Variants in SLC22A23 observed in about 807,000 individuals in gnomAD.
The protein encoded by SLC22A23 is solute carrier family 22 member 23, also known as ion transporter protein.
Under a neutral mutation model 61.0 loss-of-function variants are expected in SLC22A23, and 26 were observed. The ratio of observed to expected loss-of-function variants is 0.43; its 90% CI spans 0.31 to 0.59. The LOEUF is 0.59. Among genes scored for constraint, SLC22A23 ranks in the 20% least tolerant of loss-of-function variants. SLC22A23 has a pLI of 0.11. For synonymous variants in SLC22A23, 430 were observed against 413.9 expected (o/e 1.04, Z -0.47); for missense variants, 796 against 934.7 (o/e 0.85, Z 1.94).
chr6:3,448,300 T>C (rs1276147407), intron 1 of SLC22A23, among the ~76,000 whole-genome samples: 1 of 152,140 alleles, frequency 6.6e-6, no homozygotes, highest in African/African-American at 2.4e-5. Context: ...TCTCCACTGT[T>C]TGCCAATTCC....
intron 1 of SLC22A23, among the ~76,000 whole-genome samples, chr6:3,429,692 T>C (rs982729543): frequency 2.0e-5 from 3 of 152,188 alleles, no homozygotes; most frequent in Admixed American, 6.5e-5. Context: ...CAAAACGTGG[T>C]GCATGCACAT....
At chr6:3,299,731 T>C (rs1032125344) in intron 4 of SLC22A23, among the ~76,000 whole-genome samples, 5 of 152,218 alleles carry the variant, frequency 3.3e-5, no homozygotes, top group African/African-American at 1.2e-4. Flanking sequence ...ATCTTGGCCT[T>C]GTGGCCTGAG....
At position 3,273,376 on chromosome 6, in the gene SLC22A23, G is replaced by A. The variant is rs1424455270; in HGVS notation, c.1740C>T (p.Gly580=). ...TGATGGGTGCCGTCAGCATGCCGAA[G>A]CCCGCGCTGGCCAGCACCAGCCCCA... is the stretch of plus-strand genomic sequence containing the variant. ...GGLGLVLASA[G]FGMLTAPIIE... Residue 580 remains glycine, a synonymous_variant, in exon 10 of 10, where the codon GGC becomes GGT. Coordinates refer to ENST00000406686, the MANE Select transcript of SLC22A23 (RefSeq NM_015482.2). The A allele has an allele frequency of 1.2e-6, 2 of 1,612,692 alleles. No homozygotes were observed. The highest frequency in any genetic ancestry group is 1.7e-5 in the Admixed American group (1 of 60,022).
rs1324535000 is a variant in SLC22A23, at chr6:3,342,715, C to G, written c.914-18713G>C. Among the ~76,000 whole-genome samples the G allele has an allele frequency of 1.3e-5, 2 of 152,210 alleles. No homozygotes were observed. Among genetic ancestry groups the G allele is most frequent in the Non-Finnish European group, 2.9e-5 (2 of 68,048 alleles). On this transcript the variant is annotated intron_variant, in intron 3 of 9. Transcript: ENST00000406686. This position sits in a 1 kb window ranked among gnomAD's most constrained non-coding sequence, Gnocchi z 4.0. ...CCTGAAACTGCCATCGTACAAATAA[C>G]ACCTTCACATTAGTGCTGGGGATGA...
At chr6:3,298,701 G>A (rs530100534) in intron 4 of SLC22A23, among the ~76,000 whole-genome samples, 105 of 149,906 alleles carry the variant, frequency 7.0e-4, no homozygotes, top group Admixed American at 1.9e-3. Flanking sequence ...GGCCGGGCGC[G>A]GTGGCTCACG....
intron 5 of SLC22A23, 83 bp from the exon 6 acceptor site, chr6:3,289,949 C>T: frequency 2.7e-6 from 3 of 1,108,316 alleles, no homozygotes; most frequent in Non-Finnish European, 4.1e-6. Flanking sequence ...CCCTGGTTCC[C>T]CAGTTCGGGT....
At chr6:3,400,684 A>G (rs1768324651) in intron 3 of SLC22A23, among the ~76,000 whole-genome samples, 1 of 152,194 alleles carries the variant, frequency 6.6e-6, no homozygotes, top group African/African-American at 2.4e-5. Flanking sequence ...CCTGGATTCC[A>G]CCCAAGCATC....
intron 3 of SLC22A23, among the ~76,000 whole-genome samples, chr6:3,409,730 G>A (rs9503583): frequency 0.068 from 10,362 of 152,172 alleles, 1,191 homozygotes; most frequent in African/African-American, 0.24. Context: ...ACTAGCTAAT[G>A]CTGTCATTTA....
chr6:3,354,499 A>G (rs1764956912), intron 3 of SLC22A23, among the ~76,000 whole-genome samples: 1 of 152,258 alleles, frequency 6.6e-6, no homozygotes, highest in Non-Finnish European at 1.5e-5. Context: ...ATCCATCGAT[A>G]TAGCAGAGAC....
At position 3,410,250 on chromosome 6, in the gene SLC22A23, C is replaced by G. The variant is rs1769124769; in HGVS notation, c.851G>C (p.Ser284Thr). 2.5e-6 allele frequency: 4 copies of G among 1,613,868 alleles called. No individual in the cohort carries two copies. Among genetic ancestry groups the G allele is most frequent in the South Asian group, 1.1e-5 (1 of 91,040 alleles). ...AAATCCTTCAAAGAACCTGAGTGTG[C>G]TGAACATTGTCACATTCACTGACAG... ...VALSVNVTMF[S>T]TLRFFEGFCL... The change falls in exon 3 of 10, where the codon AGC (serine) becomes ACC (threonine). Residue 284 changes from serine (S) to threonine (T), a missense_variant. Physicochemically the swap from Ser to Thr is moderately conservative, Grantham distance 58. Coordinates refer to ENST00000406686, the MANE Select transcript of SLC22A23 (RefSeq NM_015482.2). The surrounding 1 kb of genome is among the most constrained non-coding windows in gnomAD (Gnocchi z 5.0).
chr6:3,329,721 G>A lies in SLC22A23; in HGVS notation c.914-5719C>T, dbSNP rs903539767. Among the ~76,000 whole-genome samples, 2 of 152,118 alleles carry A rather than the reference G, an allele frequency of 1.3e-5. No individual in the cohort carries two copies. The highest frequency in any genetic ancestry group is 2.1e-4 in the South Asian group (1 of 4,832). On this transcript the variant is annotated intron_variant, in intron 3 of 9. Coordinates refer to ENST00000406686, the MANE Select transcript of SLC22A23 (RefSeq NM_015482.2). The surrounding 1 kb of genome is among the most constrained non-coding windows in gnomAD (Gnocchi z 4.8). ...AGAAAACGACACTCACGAAGCACTC[G>A]AGCGCACCTGGCTCATACTGAAGCC... is the stretch of plus-strand genomic sequence containing the variant.
At position 3,301,483 on chromosome 6, in the gene SLC22A23, C is replaced by T. The variant is rs187808020; in HGVS notation, c.1083-3265G>A. ...AGGTAGTCTCTACAGTTTTGAAATA[C>T]GGCATACAACGTGGAAATTTGTGTC... On this transcript the variant is annotated intron_variant, in intron 4 of 9. Coordinates refer to ENST00000406686, the MANE Select transcript of SLC22A23 (RefSeq NM_015482.2). 3.0e-4 allele frequency among the ~76,000 whole-genome samples: 45 copies of T among 152,252 alleles called. 1 individual carries two copies. Among genetic ancestry groups the T allele is most frequent in the African/African-American group, 9.4e-4 (39 of 41,530 alleles).
chr6:3,271,762 C>A lies in SLC22A23; in HGVS notation c.*1293G>T, dbSNP rs1379720780. On this transcript the variant is annotated 3_prime_UTR_variant, in exon 10 of 10. Transcript: ENST00000406686. ...TTCCTCCGAAAATGCCAAGAGGAAA[C>A]CTCCACTTTCTGGGGTGAAACGAGG... 6.6e-6 allele frequency: 1 copy of A among 152,354 alleles called. No homozygotes were observed. Among genetic ancestry groups the A allele is most frequent in the African/African-American group, 2.4e-5 (1 of 41,464 alleles). 9.4% of individuals were successfully genotyped at this position (152,354 alleles called of 1,614,324 possible).
At chr6:3,287,236 GAGC>G (rs1233560434) in intron 6 of SLC22A23, 145 bp from the exon 7 acceptor site, 3 of 707,098 alleles carry the variant, frequency 4.2e-6, no homozygotes, top group Non-Finnish European at 7.1e-6. Flanking sequence ...ACCGAACCAC[GAGC>G]AGATTACAGA....
chr6:3,357,270 A>G lies in SLC22A23; in HGVS notation c.914-33268T>C, dbSNP rs183617691. Among the ~76,000 whole-genome samples the G allele has an allele frequency of 1.3e-3, 196 of 152,334 alleles. 3 individuals are homozygous for G. Among genetic ancestry groups the G allele is most frequent in the African/African-American group, 4.6e-3 (192 of 41,570 alleles). On this transcript the variant is annotated intron_variant, in intron 3 of 9. Coordinates refer to ENST00000406686, the MANE Select transcript of SLC22A23 (RefSeq NM_015482.2). ...ACACTGTAAAACTCCCAGTGCAAAC[A>G]ACCAGCTGGAGGACTTATCCCAGCC... is the stretch of plus-strand genomic sequence containing the variant.
intron 9 of SLC22A23, among the ~76,000 whole-genome samples, chr6:3,278,605 G>T (rs896069723): frequency 2.6e-5 from 4 of 152,166 alleles, no homozygotes; most frequent in African/African-American, 7.2e-5. Flanking sequence ...CGGATCACAC[G>T]GGCTTCCTGG....
At chr6:3,452,213 C>G (rs562151996) in intron 1 of SLC22A23, among the ~76,000 whole-genome samples, 1 of 152,084 alleles carries the variant, frequency 6.6e-6, no homozygotes, top group African/African-American at 2.4e-5. Context: ...CAACACCATC[C>G]GAAGCAGAGG....
chr6:3,286,309 G>A lies in SLC22A23; in HGVS notation c.1546+550C>T, dbSNP rs1009920634. ...GTAGAGATGGGGTTTCACTACATTG[G>A]TCAGGCTGGTTTGAACTCCTGACCT... On this transcript the variant is annotated intron_variant, in intron 7 of 9. Transcript: ENST00000406686. The surrounding 1 kb of genome is among the most constrained non-coding windows in gnomAD (Gnocchi z 4.2). 6.6e-6 allele frequency among the ~76,000 whole-genome samples: 1 copy of A among 152,048 alleles called. No individual in the cohort carries two copies. Among genetic ancestry groups the A allele is most frequent in the Non-Finnish European group, 1.5e-5 (1 of 68,028 alleles).
intron 9 of SLC22A23, 160 bp downstream of exon 9, chr6:3,283,692 G>T: frequency 3.8e-6 from 5 of 1,320,294 alleles, no homozygotes; most frequent in Non-Finnish European, 5.2e-6. Context: ...GGCGCCTCGG[G>T]GTTGGGTCCA....
Sources: allele counts gnomAD v4.1 joint callset (sites outside exome capture counted in the v4.1 genomes callset), GRCh38; gene constraint gnomAD v4.1.1; non-coding constraint Gnocchi (gnomAD v3.1); transcripts MANE v1.5; gene names NCBI Gene and HGNC (gene_info 2026-07-23, HGNC 2026-07-21).